Variants in CADM1 observed in about 807,000 individuals in gnomAD.
CADM1 encodes the protein TSLC-1.
A neutral mutation model predicts 53.1 loss-of-function variants in CADM1; 15 were observed. The ratio of observed to expected loss-of-function variants is 0.28; its 90% CI spans 0.19 to 0.44. The LOEUF (loss-of-function observed/expected upper bound fraction) is 0.44, where lower values mean the gene tolerates loss of function less well. Ranked by LOEUF, CADM1 falls within the 20% of genes least tolerant of loss-of-function variation. The pLI, the probability that CADM1 is intolerant of heterozygous loss-of-function variation, is 1.00. For missense variants in CADM1, 434 were observed against 611.3 expected, an observed-to-expected ratio of 0.71 and a Z score of 3.06; for synonymous variants, 281 against 243.0, an observed-to-expected ratio of 1.16 and a Z score of -1.45.
At position 115,272,484 on chromosome 11, in the gene CADM1, A is replaced by T. The variant is rs138379164; in HGVS notation, c.125-32064T>A. 3.9e-3 allele frequency among the ~76,000 whole-genome samples: 601 copies of T among 152,306 alleles called. 4 individuals carry two copies. The highest frequency in any genetic ancestry group is 7.3e-3 in the Admixed American group (112 of 15,300). The stretch of plus-strand genomic sequence containing the variant: ...GACCTAACTAGTATACAGCTAGATT[A>T]TTATGAGTTTAACCTCAAACAAACA... On this transcript the variant is annotated intron_variant, in intron 1 of 11. Coordinates refer to ENST00000331581, the MANE Select transcript of CADM1 (RefSeq NM_001301043.2).
At chr11:115,433,273 A>G (rs1289247411) in intron 1 of CADM1, among the ~76,000 whole-genome samples, 3 of 152,204 alleles carry the variant, frequency 2.0e-5, no homozygotes, top group Non-Finnish European at 2.9e-5. Flanking sequence ...GACACATACA[A>G]AATGCATTAG....
intron 8 of CADM1, among the ~76,000 whole-genome samples, chr11:115,200,329 G>A (rs541209109): frequency 4.3e-4 from 66 of 152,246 alleles, no homozygotes; most frequent in African/African-American, 1.5e-3. Flanking sequence ...GCAGCATTAG[G>A]TACTTTAAAT....
chr11:115,348,142 C>T (rs530637883), intron 1 of CADM1, among the ~76,000 whole-genome samples: 57 of 152,188 alleles, frequency 3.7e-4, no homozygotes, highest in African/African-American at 1.3e-3. Context: ...AAAGAGAAAC[C>T]ACACCAAGAT....
At chr11:115,269,587 A>G (rs1943242659) in intron 1 of CADM1, among the ~76,000 whole-genome samples, 1 of 152,118 alleles carries the variant, frequency 6.6e-6, no homozygotes, top group East Asian at 1.9e-4. Flanking sequence ...GATTCCATAC[A>G]CCATACGTGA....
intron 1 of CADM1, among the ~76,000 whole-genome samples, chr11:115,432,937 G>A (rs939367282): frequency 2.6e-5 from 4 of 152,154 alleles, no homozygotes; most frequent in African/African-American, 9.7e-5. Flanking sequence ...AAATGATCAA[G>A]GCCTATCTTC....
chr11:115,239,416 A>G (rs1942137319), intron 2 of CADM1, among the ~76,000 whole-genome samples: 1 of 152,204 alleles, frequency 6.6e-6, no homozygotes, highest in South Asian at 2.1e-4. Context: ...CAGGAAATCA[A>G]AATCACTGCA....
At chr11:115,259,290 CTTTTTTTTTTTTT>C (rs71066411) in intron 1 of CADM1, among the ~76,000 whole-genome samples, 21 of 55,086 alleles carry the variant, frequency 3.8e-4, no homozygotes, top group Admixed American at 1.8e-3. Flanking sequence ...CCAGTCTTAA[CTTTTTTTTTTTTT>C]TTTTTTTTTT....
At position 115,229,094 on chromosome 11, in the gene CADM1, A is replaced by G; in HGVS notation, c.721+19T>C. ...AACTGCAACTCTACGCCCTCAGAAT[A>G]AGATACCAGGGTACTCACACTGTAC... On this transcript the variant is annotated intron_variant, in intron 5 of 11. Coordinates refer to ENST00000331581, the MANE Select transcript of CADM1 (RefSeq NM_001301043.2). 2 of 1,613,410 alleles carry G rather than the reference A, an allele frequency of 1.2e-6. No individual in the cohort carries two copies. The highest frequency in any genetic ancestry group is 1.7e-6 in the Non-Finnish European group (2 of 1,179,746).
At chr11:115,223,180 C>T (rs1565307847) in intron 5 of CADM1, among the ~76,000 whole-genome samples, 1 of 152,142 alleles carries the variant, frequency 6.6e-6, no homozygotes. Context: ...CGTTAGTCCT[C>T]ATCACAGAAT....
intron 1 of CADM1, among the ~76,000 whole-genome samples, chr11:115,497,975 C>CA (rs766633630): frequency 0.022 from 1,596 of 72,238 alleles, 12 homozygotes; most frequent in African/African-American, 0.037. Context: ...GAAAGAGCCT[C>CA]AAAAAAAAAA....
intron 1 of CADM1, among the ~76,000 whole-genome samples, chr11:115,381,221 G>C (rs1946569356): frequency 1.3e-5 from 2 of 151,956 alleles, no homozygotes; most frequent in African/African-American, 2.4e-5. Context: ...TTGAACCTCG[G>C]GGGTGGAGGT....
intron 1 of CADM1, among the ~76,000 whole-genome samples, chr11:115,489,218 C>A (rs913674967): frequency 3.9e-5 from 6 of 152,172 alleles, no homozygotes; most frequent in African/African-American, 1.4e-4. Context: ...TGCCCAACAA[C>A]CAAGTATGAA....
chr11:115,422,734 G>A (rs1947789939), intron 1 of CADM1, among the ~76,000 whole-genome samples: 2 of 152,168 alleles, frequency 1.3e-5, no homozygotes, highest in African/African-American at 4.8e-5. Context: ...AAAACTATAA[G>A]CTGATCTTTA....
chr11:115,489,411 C>G (rs1949444417), intron 1 of CADM1, among the ~76,000 whole-genome samples: 2 of 152,070 alleles, frequency 1.3e-5, no homozygotes, highest in South Asian at 4.1e-4. Context: ...ATCCCAACAA[C>G]CAGTATTTAT....
intron 5 of CADM1, among the ~76,000 whole-genome samples, chr11:115,222,029 C>A (rs1385834536): frequency 6.6e-6 from 1 of 152,160 alleles, no homozygotes; most frequent in Admixed American, 6.6e-5. Context: ...ACAGGCTCTT[C>A]TTCATGTTTC....
At chr11:115,289,723 G>A (rs1348324081) in intron 1 of CADM1, among the ~76,000 whole-genome samples, 1 of 150,876 alleles carries the variant, frequency 6.6e-6, no homozygotes, top group Non-Finnish European at 1.5e-5. Context: ...AGCTTCCCGA[G>A]TAGCTGGGAC....
chr11:115,189,129 G>C (rs1223235716), intron 10 of CADM1, among the ~76,000 whole-genome samples: 2 of 152,162 alleles, frequency 1.3e-5, no homozygotes, highest in African/African-American at 4.8e-5. Flanking sequence ...GCAGGGAGTG[G>C]GGGAGGGGGA....
intron 1 of CADM1, among the ~76,000 whole-genome samples, chr11:115,315,919 T>C (rs1370498655): frequency 3.9e-5 from 6 of 152,168 alleles, no homozygotes; most frequent in Non-Finnish European, 8.8e-5. Context: ...AGTGCAATTT[T>C]CATTCAACTG....
At chr11:115,382,097 G>A (rs1180342944) in intron 1 of CADM1, among the ~76,000 whole-genome samples, 4 of 152,012 alleles carry the variant, frequency 2.6e-5, no homozygotes, top group South Asian at 2.1e-4. Context: ...CACCCGCCTC[G>A]GCCTCCCAAA....
Sources: allele counts gnomAD v4.1 joint callset (sites outside exome capture counted in the v4.1 genomes callset), GRCh38; gene constraint gnomAD v4.1.1; transcripts MANE v1.5; gene names NCBI Gene and HGNC (gene_info 2026-07-23, HGNC 2026-07-21).